Variants in NPSR1 observed in about 807,000 individuals in gnomAD.
The protein encoded by NPSR1 is neuropeptide S receptor 1.
A neutral mutation model predicts 46.9 loss-of-function variants in NPSR1; 48 were observed. The observed-to-expected ratio is 1.02, with a 90% CI of 0.81 to 1.30. The LOEUF (loss-of-function observed/expected upper bound fraction) is 1.30, where lower values mean the gene tolerates loss of function less well. Among genes scored for constraint, NPSR1 ranks in the 50% most tolerant of loss-of-function variants. The pLI is 0.00. For missense variants in NPSR1, 450 were observed against 449.5 expected (o/e 1.00, Z -0.01); for synonymous variants, 176 against 168.1 (o/e 1.05, Z -0.36).
chr7:34,792,677 A>ATATATGTATATATATACG (rs1787960672), intron 3 of NPSR1, among the ~76,000 whole-genome samples: 1 of 90,560 alleles, frequency 1.1e-5, no homozygotes, highest in Non-Finnish European at 2.4e-5. Context: ...ATATATATGT[A>ATATATGTATATATATACG]TATATATATA....
chr7:34,866,898 C>T (rs1584157622), intron 8 of NPSR1, among the ~76,000 whole-genome samples: 1 of 151,630 alleles, frequency 6.6e-6, no homozygotes. Context: ...TCAAGGAAAT[C>T]ATGGTGCTGG....
intron 2 of NPSR1, among the ~76,000 whole-genome samples, chr7:34,706,103 C>G (rs1794092693): frequency 6.6e-6 from 1 of 150,906 alleles, no homozygotes; most frequent in Admixed American, 6.6e-5. Context: ...TTTTGTGTTA[C>G]CAAAAAAAAA....
intron 5 of NPSR1, among the ~76,000 whole-genome samples, chr7:34,830,167 G>A (rs1442686741): frequency 6.6e-6 from 1 of 152,208 alleles, no homozygotes; most frequent in East Asian, 1.9e-4. Context: ...TCAGATATAA[G>A]GTTCAACTCT....
In NPSR1 at chr7:34,658,235, G is replaced by A. The variant is rs990286950; in HGVS notation, c.-178G>A. 11 of 635,576 alleles carry A rather than the reference G, an allele frequency of 1.7e-5. No homozygotes were observed. Among genetic ancestry groups the A allele is most frequent in the Non-Finnish European group, 2.4e-5 (9 of 371,116 alleles). 39.4% of individuals were successfully genotyped at this position (635,576 alleles called of 1,614,324 possible). A position where few individuals can be genotyped will look rare whatever the true frequency, so the allele number is the denominator to read the frequency against. ...TACCTGGTGGTAATTGCCAAGGAGA[G>A]AGCAGCACGTAGATCCTCCCTGTCA... On this transcript the variant is annotated 5_prime_UTR_variant, in exon 1 of 9. Coordinates refer to ENST00000360581, the MANE Select transcript of NPSR1 (RefSeq NM_207172.2).
Position 34,827,415 on chromosome 7 carries a change from G to A in NPSR1, c.493G>A (p.Val165Ile). 1 of 1,614,032 alleles carries A rather than the reference G, an allele frequency of 6.2e-7. No homozygotes were observed. The highest frequency in any genetic ancestry group is 8.5e-7 in the Non-Finnish European group (1 of 1,179,978). Residue 165 changes from valine to isoleucine, a missense_variant, in exon 5 of 9, where the codon GTC (valine) becomes ATC (isoleucine). Val to Ile is a conservative substitution (Grantham distance 29, BLOSUM62 3). Transcript: ENST00000360581. ...TCTTTGGGCAGAAAAGCAAGCCAGG[G>A]TCCTCATTGTGATCGCCTGGAGCCT... ...KFLQGEKQAR[V>I]LIVIAWSLSF...
intron 2 of NPSR1, among the ~76,000 whole-genome samples, chr7:34,697,758 A>G (rs1199659255): frequency 6.6e-6 from 1 of 151,296 alleles, no homozygotes; most frequent in African/African-American, 2.4e-5. Context: ...AAAAGGGCCA[A>G]TTATAATACA....
At chr7:34,698,307 C>T (rs1793639351) in intron 2 of NPSR1, among the ~76,000 whole-genome samples, 1 of 151,968 alleles carries the variant, frequency 6.6e-6, no homozygotes, top group South Asian at 2.1e-4. Flanking sequence ...GTATACTTTT[C>T]TTTATGTGTT....
At chr7:34,675,573 C>A (rs746217633) in intron 1 of NPSR1, among the ~76,000 whole-genome samples, 1 of 152,218 alleles carries the variant, frequency 6.6e-6, no homozygotes, top group Non-Finnish European at 1.5e-5. Flanking sequence ...GCACCTTCTA[C>A]GGGCCAGACA....
chr7:34,668,086 C>T (rs1264157646), intron 1 of NPSR1, among the ~76,000 whole-genome samples: 6 of 152,098 alleles, frequency 3.9e-5, no homozygotes, highest in Non-Finnish European at 8.8e-5. Flanking sequence ...GAAGCCAAAA[C>T]TCTTTTGCTG....
chr7:34,709,090 G>C (rs1056678316), intron 2 of NPSR1, among the ~76,000 whole-genome samples: 2 of 152,086 alleles, frequency 1.3e-5, no homozygotes, highest in African/African-American at 4.8e-5. Flanking sequence ...GGAGTTGCAG[G>C]GTCATTCTTC....
chr7:34,707,419 A>G (rs1794164816), intron 2 of NPSR1, among the ~76,000 whole-genome samples: 1 of 152,224 alleles, frequency 6.6e-6, no homozygotes. Context: ...GAAGGAATGT[A>G]GAAAATAGAC....
chr7:34,783,246 C>T (rs1293419358), intron 3 of NPSR1, among the ~76,000 whole-genome samples: 1 of 151,932 alleles, frequency 6.6e-6, no homozygotes, highest in Non-Finnish European at 1.5e-5. Flanking sequence ...AGTTGACTCA[C>T]AGTTCTACAG....
intron 3 of NPSR1, among the ~76,000 whole-genome samples, chr7:34,785,640 A>G (rs563569116): frequency 3.4e-4 from 51 of 152,156 alleles, no homozygotes; most frequent in Non-Finnish European, 7.2e-4. Flanking sequence ...TGATATCATT[A>G]GGATAAAGGC....
intron 1 of NPSR1, among the ~76,000 whole-genome samples, chr7:34,666,816 G>C (rs1791775135): frequency 6.6e-6 from 1 of 152,000 alleles, no homozygotes. Flanking sequence ...TTTTTGTCTT[G>C]TTATTATCTA....
intron 3 of NPSR1, among the ~76,000 whole-genome samples, chr7:34,792,185 C>T (rs1787912620): frequency 6.6e-6 from 1 of 151,890 alleles, no homozygotes; most frequent in African/African-American, 2.4e-5. Context: ...ACACCAAAAA[C>T]TCAAGAAACA....
intron 4 of NPSR1, among the ~76,000 whole-genome samples, chr7:34,816,245 A>G (rs1263818569): frequency 4.7e-5 from 6 of 127,690 alleles, no homozygotes; most frequent in African/African-American, 1.5e-4. Flanking sequence ...ATGGAAAGCA[A>G]AAAAAAGCAG....
chr7:34,821,673 A>AC (rs1282648010), intron 4 of NPSR1, among the ~76,000 whole-genome samples: 1 of 152,204 alleles, frequency 6.6e-6, no homozygotes, highest in Non-Finnish European at 1.5e-5. Context: ...TAGGTTAAAA[A>AC]ATTAGCTGTT....
Position 34,693,261 on chromosome 7 carries a change from A to C in NPSR1, c.280+8577A>C, listed in dbSNP as rs144974931. Among the ~76,000 whole-genome samples the C allele has an allele frequency of 2.1e-3, 317 of 152,308 alleles. 1 individual carries two copies. The highest frequency in any genetic ancestry group is 7.3e-3 in the African/African-American group (305 of 41,568). The stretch of plus-strand genomic sequence containing the variant: ...AACCTCTTTTCTTTATAAATTACCC[A>C]GTCTCAGTTACTTCTTTATAGCCTT... On this transcript the variant is annotated intron_variant, in intron 2 of 8. Coordinates refer to ENST00000360581, the MANE Select transcript of NPSR1 (RefSeq NM_207172.2).
chr7:34,722,471 T>A (rs1388865970), intron 2 of NPSR1, among the ~76,000 whole-genome samples: 1 of 152,266 alleles, frequency 6.6e-6, no homozygotes, highest in African/African-American at 2.4e-5. Context: ...AGATTTTGCA[T>A]GCTTATTATG....
Sources: allele counts gnomAD v4.1 joint callset (sites outside exome capture counted in the v4.1 genomes callset), GRCh38; gene constraint gnomAD v4.1.1; transcripts MANE v1.5; gene names NCBI Gene and HGNC (gene_info 2026-07-23, HGNC 2026-07-21).